Variants in UGT1A7 observed in about 807,000 individuals in gnomAD.
UGT1A7 encodes the protein UDP glucuronosyltransferase family 1 member A7.
In UGT1A7, 33 loss-of-function variants were observed where a neutral mutation model predicts 45.6. The observed-to-expected ratio is 0.72, with a 90% CI of 0.55 to 0.97. The LOEUF (loss-of-function observed/expected upper bound fraction) is 0.97, where lower values mean the gene tolerates loss of function less well. Ranked by LOEUF, UGT1A7 falls within the 50% of genes least tolerant of loss-of-function variation. The pLI, the probability that UGT1A7 is intolerant of heterozygous loss-of-function variation, is 0.00. For synonymous variants in UGT1A7, 274 were observed against 250.6 expected, an observed-to-expected ratio of 1.09 and a Z score of -0.88; for missense variants, 684 against 666.2, an observed-to-expected ratio of 1.03 and a Z score of -0.29.
intron 1 of UGT1A7, chr2:233,721,835 C>T: frequency 1.9e-6 from 1 of 516,042 alleles, no homozygotes; most frequent in South Asian, 1.4e-5. Context: ...GGCCACCGAC[C>T]TTGTGTCCAG....
At chr2:233,741,527 G>A (rs1192386842) in intron 1 of UGT1A7, 5 of 151,902 alleles carry the variant, frequency 3.3e-5, no homozygotes, top group Non-Finnish European at 5.9e-5. Flanking sequence ...TTAACAGTCT[G>A]TCTTATTCTG....
At chr2:233,747,140 A>T in intron 1 of UGT1A7, 1 of 1,552,466 alleles carries the variant, frequency 6.4e-7, no homozygotes. Context: ...GTGACAAGGT[A>T]ATTAAGATGA....
At chr2:233,749,892 C>T (rs1443411185) in intron 1 of UGT1A7, among the ~76,000 whole-genome samples, 2 of 151,938 alleles carry the variant, frequency 1.3e-5, no homozygotes, top group African/African-American at 2.4e-5. Flanking sequence ...TGAGGCTCCC[C>T]CCTCCAGCCA....
In UGT1A7 at chr2:233,734,493, T is replaced by C. The variant is rs572149400; in HGVS notation, c.856-32541T>C. On this transcript the variant is annotated intron_variant, in intron 1 of 4. Coordinates refer to ENST00000373426, the MANE Select transcript of UGT1A7 (RefSeq NM_019077.3). ...TGGATTCATTGATTTTTTTGAAGGT[T>C]TTTTTGTGTCTCTATCTCTTTCAGT... Among the ~76,000 whole-genome samples the C allele has an allele frequency of 7.2e-5, 11 of 152,330 alleles. 1 individual carries two copies. In the South Asian group the frequency reaches 1.2e-3, roughly 17 times the overall value.
chr2:233,765,502 A>G (rs1698851224), intron 1 of UGT1A7, among the ~76,000 whole-genome samples: 1 of 152,194 alleles, frequency 6.6e-6, no homozygotes, highest in Non-Finnish European at 1.5e-5. Flanking sequence ...AAACTAACAC[A>G]GGAACAGAAA....
At chr2:233,693,838 C>T (rs1282452133) in intron 1 of UGT1A7, 2 of 1,614,176 alleles carry the variant, frequency 1.2e-6, no homozygotes, top group Non-Finnish European at 1.7e-6. Flanking sequence ...GAGGTATCAA[C>T]TGTAAGAAGA....
intron 1 of UGT1A7, among the ~76,000 whole-genome samples, chr2:233,687,585 A>G (rs1319923508): frequency 2.2e-5 from 1 of 45,500 alleles, no homozygotes; most frequent in Non-Finnish European, 4.5e-5. Context: ...ATTCTTTGTA[A>G]AAAAAAAAAA....
rs28969714 is a variant in UGT1A7 at position 233,682,816 on chromosome 2, A to T, written c.855+24A>T. ...TGGTAAGTTATCTCCCCTTTAGCAC[A>T]TTAAGAATAATCTGGCTTTGGAAAT... On this transcript the variant is annotated intron_variant, in intron 1 of 4. Coordinates refer to ENST00000373426, the MANE Select transcript of UGT1A7 (RefSeq NM_019077.3). 6.5e-4 allele frequency: 1,028 copies of T among 1,580,878 alleles called. 12 individuals are homozygous for T. The African/African-American group carries it at 0.012, about 19-fold the overall frequency.
At position 233,682,247 on chromosome 2, in the gene UGT1A7, A is replaced by G. The variant is rs758971346; in HGVS notation, c.310A>G (p.Ser104Gly). 7.4e-6 allele frequency: 12 copies of G among 1,614,096 alleles called. No individual in the cohort carries two copies. The African/African-American group carries it at 1.5e-4, about 20-fold the overall frequency. The part of the protein sequence containing the change: ...ADARWTAPLR[S>G]AFSLLTSSSN... Reference sequence around the variant, plus strand: ...TGCTCGCTGGACGGCACCATTGCGAAGTGCATTTTCTCTATTAACAAGTTC... The same window carrying G: ...TGCTCGCTGGACGGCACCATTGCGAGGTGCATTTTCTCTATTAACAAGTTC... The change falls in exon 1 of 5, where the codon AGT (serine) becomes GGT (glycine). Residue 104 changes from serine to glycine, a missense_variant. Coordinates refer to ENST00000373426, the MANE Select transcript of UGT1A7 (RefSeq NM_019077.3).
At chr2:233,691,284 A>T (rs555799821) in intron 1 of UGT1A7, 2 of 985,524 alleles carry the variant, frequency 2.0e-6, no homozygotes, top group South Asian at 9.4e-5. Context: ...GACTTTGATC[A>T]TTGTAAGCTG....
chr2:233,731,857 C>T lies in UGT1A7; in HGVS notation c.856-35177C>T, dbSNP rs191763365. On this transcript the variant is annotated intron_variant, in intron 1 of 4. Transcript: ENST00000373426. ...TAGTTCTAGGTCCTTGAGGAATCGC[C>T]ACACTGTCTTCCACAATGGTTGAAC... Among the ~76,000 whole-genome samples, 286 of 152,314 alleles carry T rather than the reference C, an allele frequency of 1.9e-3. 1 individual carries two copies. In the South Asian group the frequency reaches 0.02, roughly 10 times the overall value.
intron 1 of UGT1A7, chr2:233,693,061 A>G (rs1042707): frequency 6.2e-7 from 1 of 1,614,096 alleles, no homozygotes; most frequent in African/African-American, 1.3e-5. Context: ...TCTTCTTAGC[A>G]CTTTGGGGCA....
At chr2:233,728,383 G>T (rs2077708725) in intron 1 of UGT1A7, among the ~76,000 whole-genome samples, 1 of 152,140 alleles carries the variant, frequency 6.6e-6, no homozygotes, top group Admixed American at 6.5e-5. Context: ...GTCTTTGCTA[G>T]GGTTGTCTTG....
intron 1 of UGT1A7, among the ~76,000 whole-genome samples, chr2:233,728,866 T>C (rs1366541445): frequency 6.6e-6 from 1 of 152,200 alleles, no homozygotes; most frequent in African/African-American, 2.4e-5. Context: ...AACAAGAGCT[T>C]GAACTTGGAT....
chr2:233,743,626 G>T (rs1399385903), intron 1 of UGT1A7: 3 of 1,367,322 alleles, frequency 2.2e-6, no homozygotes, highest in Non-Finnish European at 2.9e-6. Flanking sequence ...TGAAGACGTC[G>T]GCTGGGTCGC....
intron 1 of UGT1A7, among the ~76,000 whole-genome samples, chr2:233,762,100 T>C (rs1697968145): frequency 6.6e-6 from 1 of 152,226 alleles, no homozygotes; most frequent in Non-Finnish European, 1.5e-5. Flanking sequence ...TAGTTGTTGA[T>C]TGTCCGCTTC....
chr2:233,748,342 C>T lies in UGT1A7; in HGVS notation c.856-18692C>T, dbSNP rs117379305. ...ACTGATGTGACTCATGGAGACTGTT[C>T]GTTTGTAAAGGCACCATCTTCATGG... On this transcript the variant is annotated intron_variant, in intron 1 of 4. Transcript: ENST00000373426. 1.9e-3 allele frequency among the ~76,000 whole-genome samples: 287 copies of T among 151,736 alleles called. 5 individuals carry two copies. The East Asian group carries it at 0.054, about 29-fold the overall frequency.
intron 1 of UGT1A7, among the ~76,000 whole-genome samples, chr2:233,763,126 A>G (rs1210244781): frequency 2.0e-5 from 3 of 152,250 alleles, no homozygotes. Flanking sequence ...CCTTTCTGGC[A>G]TTTATTGATA....
rs1696611113 is a variant in UGT1A7 at position 233,757,545 on chromosome 2, T to TATAC, written c.856-9486_856-9485insCATA. 2.9e-4 allele frequency among the ~76,000 whole-genome samples: 19 copies of TATAC among 65,910 alleles called. 1 individual carries two copies. The highest frequency in any genetic ancestry group is 6.3e-4 in the African/African-American group (10 of 15,854). The allele number at this position is 65,910 out of a possible 152,430, so 43.2% of individuals were successfully genotyped here. On this transcript the variant is annotated intron_variant, in intron 1 of 4. Coordinates refer to ENST00000373426, the MANE Select transcript of UGT1A7 (RefSeq NM_019077.3). ...ATCTTGCCTGTAAGGAATATATATA[T>TATAC]ATATATATATATATATGTATATATG...
Sources: allele counts gnomAD v4.1 joint callset (sites outside exome capture counted in the v4.1 genomes callset), GRCh38; gene constraint gnomAD v4.1.1; transcripts MANE v1.5; gene names NCBI Gene and HGNC (gene_info 2026-07-23, HGNC 2026-07-21).